Variants in NTNG1 observed in about 807,000 individuals in gnomAD.
NTNG1 encodes netrin G1.
In NTNG1, 16 loss-of-function variants were observed where a neutral mutation model predicts 54.0. That is an observed-to-expected ratio of 0.30 (90% CI 0.20 to 0.45). NTNG1 has a LOEUF of 0.45. Ranked by LOEUF, NTNG1 falls within the 20% of genes least tolerant of loss-of-function variation. The pLI is 1.00. For synonymous variants in NTNG1, 255 were observed against 263.1 expected, an observed-to-expected ratio of 0.97 and a Z score of 0.30; for missense variants, 530 against 678.7, an observed-to-expected ratio of 0.78 and a Z score of 2.43.
At chr1:107,322,674 C>T (rs1667722897) in intron 2 of NTNG1, among the ~76,000 whole-genome samples, 1 of 151,974 alleles carries the variant, frequency 6.6e-6, no homozygotes. Flanking sequence ...TCCCCTGGCT[C>T]ATTTTGAAGG....
intron 5 of NTNG1, chr1:107,421,092 A>T (rs1317243249): frequency 2.5e-6 from 4 of 1,609,108 alleles, no homozygotes; most frequent in Admixed American, 3.4e-5. Context: ...AGTTGCTCCC[A>T]AATTAGCTTT....
At chr1:107,228,268 C>G (rs971861336) in intron 2 of NTNG1, among the ~76,000 whole-genome samples, 19 of 152,148 alleles carry the variant, frequency 1.2e-4, no homozygotes, top group African/African-American at 4.6e-4. Context: ...CCTGCTCTTT[C>G]TTAGTATTAA....
intron 3 of NTNG1, among the ~76,000 whole-genome samples, chr1:107,356,478 G>A (rs971433559): frequency 6.6e-6 from 1 of 151,982 alleles, no homozygotes; most frequent in Non-Finnish European, 1.5e-5. Flanking sequence ...ATTCTTAGTA[G>A]AGACAGGGTT....
chr1:107,148,499 A>G lies in NTNG1; in HGVS notation c.-95A>G. On this transcript the variant is annotated 5_prime_UTR_variant, in exon 2 of 8. Transcript: ENST00000370068. ...GAGACCTACCTACCCGTACGCATAC[A>G]TACATATGTGTATATATATGTAAAC... 8.4e-7 allele frequency: 1 copy of G among 1,196,782 alleles called. No homozygotes were observed. The highest frequency in any genetic ancestry group is 1.2e-6 in the Non-Finnish European group (1 of 829,702). The allele number at this position is 1,196,782 out of a possible 1,614,324, so 74.1% of individuals were successfully genotyped here.
At chr1:107,324,976 C>G in intron 3 of NTNG1, 54 bp downstream of exon 3, 2 of 1,498,256 alleles carry the variant, frequency 1.3e-6, no homozygotes, top group Non-Finnish European at 1.8e-6. Flanking sequence ...AAAGAAAATG[C>G]CAGAGTGTCT....
intron 2 of NTNG1, among the ~76,000 whole-genome samples, chr1:107,160,655 C>G (rs968105957): frequency 2.6e-5 from 4 of 152,040 alleles, no homozygotes; most frequent in Non-Finnish European, 5.9e-5. Context: ...ATATGCTAAC[C>G]CTTACTACTG....
chr1:107,376,217 G>A (rs998077751), intron 3 of NTNG1, among the ~76,000 whole-genome samples: 5 of 151,394 alleles, frequency 3.3e-5, no homozygotes, highest in Non-Finnish European at 5.9e-5. Flanking sequence ...TCAGGAGATC[G>A]AGACCACAGT....
chr1:107,391,450 C>T (rs952748091), intron 3 of NTNG1, among the ~76,000 whole-genome samples: 2 of 152,108 alleles, frequency 1.3e-5, no homozygotes. Context: ...GTGATTGTTG[C>T]TAGAACTGTA....
intron 2 of NTNG1, among the ~76,000 whole-genome samples, chr1:107,157,648 T>G (rs1333126501): frequency 2.0e-5 from 3 of 152,128 alleles, no homozygotes; most frequent in Admixed American, 6.5e-5. Flanking sequence ...AAGGTAAAAA[T>G]GGCATTTCAT....
upstream of NTNG1, chr1:107,140,209 G>C (rs911917093): frequency 6.5e-6 from 1 of 152,846 alleles, no homozygotes; most frequent in African/African-American, 2.4e-5. Context: ...GGTAGTATAA[G>C]GTTTGCTATC....
chr1:107,436,263 A>T (rs1254689807), intron 6 of NTNG1, among the ~76,000 whole-genome samples: 2 of 152,214 alleles, frequency 1.3e-5, no homozygotes, highest in Non-Finnish European at 2.9e-5. Context: ...CAGTTCTCAA[A>T]TATTGAGTGC....
chr1:107,155,715 GA>G (rs1257772673), intron 2 of NTNG1, among the ~76,000 whole-genome samples: 1 of 152,056 alleles, frequency 6.6e-6, no homozygotes, highest in Non-Finnish European at 1.5e-5. Context: ...TTTATTCCTT[GA>G]ACATACTCCA....
At chr1:107,462,348 CCA>C (rs918928196) in intron 7 of NTNG1, among the ~76,000 whole-genome samples, 1 of 152,078 alleles carries the variant, frequency 6.6e-6, no homozygotes, top group Non-Finnish European at 1.5e-5. Context: ...GCTCTGCTAC[CCA>C]CTACCTGTGT....
At chr1:107,195,305 T>C (rs1008561480) in intron 2 of NTNG1, among the ~76,000 whole-genome samples, 7 of 151,970 alleles carry the variant, frequency 4.6e-5, no homozygotes, top group Non-Finnish European at 1.0e-4. Context: ...ATCGTACAAT[T>C]TTTTTCACCT....
chr1:107,384,575 T>G lies in NTNG1; in HGVS notation c.888-10579T>G, dbSNP rs186782339. ...GTTTATTTGTTTTTTCTTTATAGTC[T>G]ATACCAGTCAGTTTCCAAAGATAAT... is the stretch of plus-strand genomic sequence containing the variant. On this transcript the variant is annotated intron_variant, in intron 3 of 7. Transcript: ENST00000370068. Among the ~76,000 whole-genome samples the G allele has an allele frequency of 2.0e-4, 31 of 152,334 alleles. No homozygotes were observed. The East Asian group carries it at 4.6e-3, about 23-fold the overall frequency.
intron 7 of NTNG1, among the ~76,000 whole-genome samples, chr1:107,463,824 AGTGACCCTAAAAATCAGCATGT>A: frequency 6.6e-6 from 1 of 152,152 alleles, no homozygotes; most frequent in African/African-American, 2.4e-5. Context: ...TCATATCAAC[AGTGACCCTAAAAATCAGCATGT>A]GTGACCCTAA....
intron 2 of NTNG1, among the ~76,000 whole-genome samples, chr1:107,186,151 A>G (rs1329674443): frequency 1.3e-5 from 2 of 152,120 alleles, no homozygotes; most frequent in Non-Finnish European, 2.9e-5. Context: ...TTCACTTAGG[A>G]TAATGGCCTC....
chr1:107,185,065 A>T (rs1414205037), intron 2 of NTNG1, among the ~76,000 whole-genome samples: 2 of 152,150 alleles, frequency 1.3e-5, no homozygotes, highest in Non-Finnish European at 2.9e-5. Flanking sequence ...GAGCACCTTC[A>T]TGTGGCTTCT....
At chr1:107,434,259 A>G (rs1251452195) in intron 6 of NTNG1, among the ~76,000 whole-genome samples, 1 of 152,232 alleles carries the variant, frequency 6.6e-6, no homozygotes, top group Non-Finnish European at 1.5e-5. Flanking sequence ...ATCATTTTAT[A>G]TTATGGCAAA....
Sources: gnomAD v4.1 joint callset for allele counts (sites outside exome capture counted in the v4.1 genomes callset) on GRCh38, gnomAD v4.1.1 for gene constraint, MANE v1.5 for transcripts, NCBI Gene and HGNC (gene_info 2026-07-23, HGNC 2026-07-21) for gene names.